The following SGCD variants were observed in gnomAD, a reference collection of about 807,000 sequenced individuals.
The protein encoded by SGCD is delta-sarcoglycan.
A neutral mutation model predicts 36.6 loss-of-function variants in SGCD; 18 were observed. The observed-to-expected ratio is 0.49, with a 90% CI of 0.34 to 0.73. The LOEUF (loss-of-function observed/expected upper bound fraction) is 0.73, where lower values mean the gene tolerates loss of function less well. Among genes scored for constraint, SGCD ranks in the 30% least tolerant of loss-of-function variants. SGCD has a pLI of 0.01. For synonymous variants in SGCD, 133 were observed against 130.6 expected, an observed-to-expected ratio of 1.02 and a Z score of -0.12; for missense variants, 387 against 346.7, an observed-to-expected ratio of 1.12 and a Z score of -0.92.
intron 3 of SGCD, among the ~76,000 whole-genome samples, chr5:156,162,562 G>A (rs956845939): frequency 6.6e-6 from 1 of 151,580 alleles, no homozygotes. Context: ...CAGCTGAGAT[G>A]TGCAATCATC....
chr5:156,553,245 C>T (rs1758869051), intron 4 of SGCD, among the ~76,000 whole-genome samples: 2 of 152,162 alleles, frequency 1.3e-5, no homozygotes, highest in Admixed American at 6.5e-5. Flanking sequence ...CAGTAGGCCC[C>T]ACCTCCATCA....
chr5:156,321,966 C>G (rs889610647), upstream of SGCD, among the ~76,000 whole-genome samples: 1 of 152,122 alleles, frequency 6.6e-6, no homozygotes. Context: ...ATAAGGGTCC[C>G]GATGAACGCC....
At chr5:156,502,270 T>A (rs944389272) in intron 3 of SGCD, among the ~76,000 whole-genome samples, 1 of 151,932 alleles carries the variant, frequency 6.6e-6, no homozygotes, top group Non-Finnish European at 1.5e-5. Context: ...ATGGTCTCGA[T>A]CTCCTGACCT....
rs191830807 is a variant in SGCD at position 156,221,269 on chromosome 5, C to T, written c.-44+97250C>T. 7.6e-4 allele frequency among the ~76,000 whole-genome samples: 115 copies of T among 152,004 alleles called. 1 individual carries two copies. The highest frequency in any genetic ancestry group is 4.1e-3 in the Admixed American group (62 of 15,250). The stretch of plus-strand genomic sequence containing the variant: ...TTGTTATAACTTGTAGAAGGTGAGA[C>T]GGTACAATTCTTGAAGTTTATTTAA... On this transcript the variant is annotated intron_variant, in intron 3 of 9. Coordinates refer to the SGCD transcript ENST00000517913.
chr5:156,458,822 T>C (rs1273686331), intron 3 of SGCD, among the ~76,000 whole-genome samples: 2 of 152,176 alleles, frequency 1.3e-5, no homozygotes, highest in Admixed American at 6.5e-5. Flanking sequence ...GTTAAGTGTT[T>C]AAACAAGTGA....
rs572220487 is a variant in SGCD, at chr5:155,880,675, C to T, written c.-282+10251C>T. ...TCGTCATTATGCTTGAGTTAGTGCCCGTGAAGTTTTCAGTAGCTTTAACCT... is the reference window on the plus strand; with the variant it reads ...TCGTCATTATGCTTGAGTTAGTGCCTGTGAAGTTTTCAGTAGCTTTAACCT... On this transcript the variant is annotated intron_variant, in intron 1 of 9. Transcript: ENST00000517913. 3.7e-4 allele frequency among the ~76,000 whole-genome samples: 56 copies of T among 152,158 alleles called. No individual in the cohort carries two copies. In the South Asian group the frequency reaches 6.0e-3, roughly 16 times the overall value.
chr5:156,477,707 G>T (rs1755246936), intron 3 of SGCD, among the ~76,000 whole-genome samples: 1 of 141,644 alleles, frequency 7.1e-6, no homozygotes. Flanking sequence ...AAAAAAAAGT[G>T]ATGTCAAGGT....
At chr5:156,214,710 G>A (rs1346005772) in intron 3 of SGCD, among the ~76,000 whole-genome samples, 3 of 151,962 alleles carry the variant, frequency 2.0e-5, no homozygotes, top group Admixed American at 6.6e-5. Context: ...TTTCAAAGCT[G>A]TAATAATCAA....
intron 3 of SGCD, among the ~76,000 whole-genome samples, chr5:156,186,368 T>C (rs1040539444): frequency 6.6e-6 from 1 of 152,184 alleles, no homozygotes; most frequent in Admixed American, 6.5e-5. Flanking sequence ...CCATATGGTC[T>C]GTTGTCCTTT....
intron 3 of SGCD, among the ~76,000 whole-genome samples, chr5:156,220,999 A>G (rs1341702897): frequency 1.3e-5 from 2 of 152,142 alleles, no homozygotes; most frequent in East Asian, 1.9e-4. Context: ...TTCTCTTGTC[A>G]GGAAAAAACA....
intron 3 of SGCD, among the ~76,000 whole-genome samples, chr5:156,151,120 A>G (rs1234755101): frequency 2.0e-5 from 3 of 151,788 alleles, no homozygotes; most frequent in Non-Finnish European, 4.4e-5. Flanking sequence ...ATGGAGATAG[A>G]TGGTAAAAAG....
intron 3 of SGCD, chr5:156,458,635 T>G: frequency 1.6e-6 from 1 of 632,344 alleles, no homozygotes; most frequent in Non-Finnish European, 2.8e-6. Flanking sequence ...AATACAATAT[T>G]CATGCAGATA....
the SGCD span, among the ~76,000 whole-genome samples, chr5:155,738,774 G>A: frequency 2.0e-5 from 3 of 147,674 alleles, no homozygotes; most frequent in Non-Finnish European, 4.5e-5. Context: ...GAGAGTGTGA[G>A]AGAATGTGTG....
chr5:155,798,250 G>T, the SGCD span, among the ~76,000 whole-genome samples: 1 of 152,138 alleles, frequency 6.6e-6, no homozygotes, highest in Non-Finnish European at 1.5e-5. Flanking sequence ...GCCAGACATA[G>T]GTTCTGGCTA....
chr5:156,753,376 C>A (rs1757220843), intron 7 of SGCD, among the ~76,000 whole-genome samples: 1 of 152,170 alleles, frequency 6.6e-6, no homozygotes, highest in South Asian at 2.1e-4. Flanking sequence ...CCCTTAACTG[C>A]CACTCCCATC....
chr5:156,583,821 C>G (rs1053244307), intron 4 of SGCD, among the ~76,000 whole-genome samples: 33 of 152,150 alleles, frequency 2.2e-4, no homozygotes, highest in African/African-American at 7.7e-4. Context: ...TTAATATGTA[C>G]CAAAGTGATA....
intron 1 of SGCD, among the ~76,000 whole-genome samples, chr5:155,896,374 G>A (rs959328879): frequency 3.3e-5 from 5 of 152,014 alleles, no homozygotes; most frequent in Non-Finnish European, 7.4e-5. Flanking sequence ...GCTGAGGTGG[G>A]TGAGAACTTT....
intron 6 of SGCD, among the ~76,000 whole-genome samples, chr5:156,643,563 A>G (rs1763120715): frequency 6.6e-6 from 1 of 152,184 alleles, no homozygotes; most frequent in African/African-American, 2.4e-5. Flanking sequence ...GAAACCTTAA[A>G]GATTATGTAA....
Position 155,918,093 on chromosome 5 carries a change from A to G in SGCD, c.-282+47669A>G, listed in dbSNP as rs189236004. Among the ~76,000 whole-genome samples the G allele has an allele frequency of 2.4e-3, 369 of 152,300 alleles. 2 individuals are homozygous for G. The highest frequency in any genetic ancestry group is 6.8e-3 in the Middle Eastern group (2 of 294). On this transcript the variant is annotated intron_variant, in intron 1 of 9. Transcript: ENST00000517913. ...ATGACAATGGCCCAATTTCTTATTT[A>G]GTTGATTCTTTTTCGTATTTCACCT...
Sources: gnomAD v4.1 joint callset for allele counts (sites outside exome capture counted in the v4.1 genomes callset) on GRCh38, gnomAD v4.1.1 for gene constraint, MANE v1.5 for transcripts, NCBI Gene and HGNC (gene_info 2026-07-23, HGNC 2026-07-21) for gene names.